Variants in QTMAN observed in about 807,000 individuals in gnomAD.
The protein encoded by QTMAN is queuosine-tRNA mannosyltransferase.
the QTMAN span, among the ~76,000 whole-genome samples, chr2:144,123,119 T>C: frequency 2.0e-5 from 3 of 152,176 alleles, no homozygotes; most frequent in Non-Finnish European, 2.9e-5. Flanking sequence ...TACCTATCTA[T>C]AAGGATTTAA....
chr2:144,256,283 A>G, the QTMAN span, among the ~76,000 whole-genome samples: 2 of 152,232 alleles, frequency 1.3e-5, no homozygotes, highest in Admixed American at 6.5e-5. Flanking sequence ...AAGTTTTACA[A>G]TGTCACTTCA....
the QTMAN span, among the ~76,000 whole-genome samples, chr2:144,117,076 G>A: frequency 6.6e-6 from 1 of 152,148 alleles, no homozygotes; most frequent in African/African-American, 2.4e-5. Context: ...GTTCTCCTAT[G>A]GACAGCACCC....
chr2:144,234,840 G>A, the QTMAN span, among the ~76,000 whole-genome samples: 1 of 152,282 alleles, frequency 6.6e-6, no homozygotes, highest in African/African-American at 2.4e-5. Context: ...CAGTGGGGGA[G>A]TGAGAACATG....
chr2:144,310,171 A>G, the QTMAN span, among the ~76,000 whole-genome samples: 4 of 152,314 alleles, frequency 2.6e-5, no homozygotes, highest in Admixed American at 6.5e-5. Context: ...AAGAAAGATT[A>G]GGGAATAAGT....
the QTMAN span, among the ~76,000 whole-genome samples, chr2:144,272,876 C>T: frequency 6.6e-6 from 1 of 152,108 alleles, no homozygotes; most frequent in African/African-American, 2.4e-5. Context: ...AAGGTTCTGA[C>T]ATCTGAACTG....
the QTMAN span, among the ~76,000 whole-genome samples, chr2:144,043,709 A>G: frequency 7.9e-5 from 12 of 152,142 alleles, no homozygotes; most frequent in African/African-American, 2.9e-4. Context: ...CTTTTGGCTA[A>G]CTGACCAACA....
the QTMAN span, among the ~76,000 whole-genome samples, chr2:143,969,192 T>G: frequency 6.6e-6 from 1 of 152,248 alleles, no homozygotes; most frequent in African/African-American, 2.4e-5. Context: ...TTGCCCATGT[T>G]GTTTCCCCTT....
the QTMAN span, among the ~76,000 whole-genome samples, chr2:144,305,331 T>C: frequency 6.6e-6 from 1 of 152,250 alleles, no homozygotes; most frequent in East Asian, 1.9e-4. Flanking sequence ...GATACACAGT[T>C]ATCCCAGCAC....
chr2:144,034,741 T>C, the QTMAN span, among the ~76,000 whole-genome samples: 1 of 152,200 alleles, frequency 6.6e-6, no homozygotes, highest in Admixed American at 6.5e-5. Flanking sequence ...TCAATGTCAG[T>C]TTGAAAATTT....
At chr2:144,164,951 A>G in the QTMAN span, among the ~76,000 whole-genome samples, 1 of 152,232 alleles carries the variant, frequency 6.6e-6, no homozygotes, top group East Asian at 1.9e-4. Flanking sequence ...AGTGCAAATG[A>G]TATTTTGATA....
the QTMAN span, among the ~76,000 whole-genome samples, chr2:143,997,902 A>C: frequency 6.0e-4 from 91 of 152,208 alleles, no homozygotes; most frequent in African/African-American, 2.1e-3. Flanking sequence ...GAGGAACATT[A>C]ACCCCTGGCT....
At chr2:144,254,357 G>A in the QTMAN span, among the ~76,000 whole-genome samples, 1 of 152,196 alleles carries the variant, frequency 6.6e-6, no homozygotes, top group East Asian at 1.9e-4. Context: ...AGGAGGCAGA[G>A]GTTGCAGTGA....
the QTMAN span, among the ~76,000 whole-genome samples, chr2:144,061,873 G>A: frequency 2.6e-5 from 4 of 152,080 alleles, no homozygotes; most frequent in Non-Finnish European, 5.9e-5. Flanking sequence ...TCTGAACATC[G>A]AGAGGAGTTC....
the QTMAN span, among the ~76,000 whole-genome samples, chr2:144,257,164 C>A: frequency 1.3e-5 from 2 of 149,490 alleles, no homozygotes; most frequent in Non-Finnish European, 3.0e-5. Context: ...CCACAAACCA[C>A]AAACTATTTT....
chr2:144,180,393 ATCT>A, the QTMAN span, among the ~76,000 whole-genome samples: 3 of 152,288 alleles, frequency 2.0e-5, no homozygotes, highest in East Asian at 5.8e-4. Flanking sequence ...CAGCCAAATA[ATCT>A]TCTTGCTTTG....
At chr2:144,288,248 T>C in the QTMAN span, among the ~76,000 whole-genome samples, 1 of 151,678 alleles carries the variant, frequency 6.6e-6, no homozygotes, top group African/African-American at 2.4e-5. Flanking sequence ...AAATGGAAAA[T>C]GAATCCAAAA....
At chr2:144,055,694 A>G in the QTMAN span, among the ~76,000 whole-genome samples, 1 of 152,272 alleles carries the variant, frequency 6.6e-6, no homozygotes, top group South Asian at 2.1e-4. Context: ...AGGGCACAAT[A>G]GTGGGAGGTG....
chr2:144,016,487 G>A, the QTMAN span, among the ~76,000 whole-genome samples: 6 of 152,090 alleles, frequency 3.9e-5, no homozygotes, highest in East Asian at 1.9e-4. Context: ...TGTTTCCCAC[G>A]TACATTTGCT....
chr2:144,140,007 T>C, the QTMAN span, among the ~76,000 whole-genome samples: 1 of 152,098 alleles, frequency 6.6e-6, no homozygotes, highest in African/African-American at 2.4e-5. Context: ...TACTAAATAC[T>C]TTTCAACATC....
Sources: gnomAD v4.1 joint callset for allele counts (sites outside exome capture counted in the v4.1 genomes callset) on GRCh38, gnomAD v4.1.1 for gene constraint, MANE v1.5 for transcripts, NCBI Gene and HGNC (gene_info 2026-07-23, HGNC 2026-07-21) for gene names.